ESYT2: variants seen among roughly 807,000 people sequenced by gnomAD.
ESYT2 encodes the protein extended synaptotagmin 2, also known as extended synaptotagmin-2.
Under a neutral mutation model 107.2 loss-of-function variants are expected in ESYT2, and 54 were observed. The ratio of observed to expected loss-of-function variants is 0.50; its 90% CI spans 0.40 to 0.63. The LOEUF (loss-of-function observed/expected upper bound fraction) is 0.63, where lower values mean the gene tolerates loss of function less well. ESYT2 is among the 30% of genes least tolerant of loss of function. ESYT2 has a pLI of 0.00. For missense variants in ESYT2, 1,020 were observed against 1,094.5 expected (o/e 0.93, Z 0.96); for synonymous variants, 491 against 434.1 (o/e 1.13, Z -1.63).
At chr7:158,743,870 C>T (rs997242108) in intron 16 of ESYT2, 192 bp from the exon 17 acceptor site, 4 of 522,918 alleles carry the variant, frequency 7.6e-6, no homozygotes, top group East Asian at 4.2e-5. Context: ...GCCAGGGGTT[C>T]GAGACCAGCC....
At chr7:158,769,961 G>A (rs1227450957) in intron 7 of ESYT2, among the ~76,000 whole-genome samples, 2 of 151,644 alleles carry the variant, frequency 1.3e-5, no homozygotes, top group African/African-American at 2.4e-5. Flanking sequence ...GTCTCATTCT[G>A]TTGCCCAGGC....
At chr7:158,751,607 C>T (rs996774179) in intron 14 of ESYT2, among the ~76,000 whole-genome samples, 1 of 149,530 alleles carries the variant, frequency 6.7e-6, no homozygotes, top group Admixed American at 6.6e-5. Flanking sequence ...AATAATATAA[C>T]AATTATAATA....
intron 13 of ESYT2, among the ~76,000 whole-genome samples, chr7:158,753,134 C>T (rs906692707): frequency 6.6e-6 from 1 of 152,180 alleles, no homozygotes; most frequent in Non-Finnish European, 1.5e-5. Context: ...TTCACAAATA[C>T]AAGAGTGGGG....
At chr7:158,761,638 C>T in intron 10 of ESYT2, 94 bp from the exon 11 acceptor site, 2 of 1,124,266 alleles carry the variant, frequency 1.8e-6, no homozygotes, top group Non-Finnish European at 2.6e-6. Flanking sequence ...CTTCCTGAAA[C>T]AACCTTAAGC....
chr7:158,788,498 C>G (rs970159767), intron 4 of ESYT2, 81 bp from the exon 5 acceptor site: 1 of 1,213,658 alleles, frequency 8.2e-7, no homozygotes. Context: ...GATGTATAAT[C>G]TGAATAAAAT....
Position 158,785,503 on chromosome 7 carries a change from T to C in ESYT2, c.747+2501A>G, listed in dbSNP as rs144284646. 3.9e-3 allele frequency among the ~76,000 whole-genome samples: 594 copies of C among 152,230 alleles called. 4 individuals are homozygous for C. The highest frequency in any genetic ancestry group is 0.014 in the African/African-American group (573 of 41,546). ...CTCCAGTGTCAGGACTAAACCTACATGTAGGAGAAATATTTAATTTCTTAA... is the reference window on the plus strand; with the variant it reads ...CTCCAGTGTCAGGACTAAACCTACACGTAGGAGAAATATTTAATTTCTTAA... On this transcript the variant is annotated intron_variant, in intron 6 of 22. Coordinates refer to ENST00000275418, the MANE Select transcript of ESYT2 (RefSeq NM_001367773.1).
At position 158,748,112 on chromosome 7, in the gene ESYT2, A is replaced by C; in HGVS notation, c.1644+82T>G. 3 of 1,291,196 alleles carry C rather than the reference A, an allele frequency of 2.3e-6. No homozygotes were observed. The South Asian group carries it at 3.7e-5, about 16-fold the overall frequency. The allele number at this position is 1,291,196 out of a possible 1,614,324, so 80.0% of individuals were successfully genotyped here. On this transcript the variant is annotated intron_variant, in intron 16 of 22. Coordinates refer to ENST00000275418, the MANE Select transcript of ESYT2 (RefSeq NM_001367773.1). ...TGGCGATGGATCCCCAGGTGTATAC[A>C]CGGGTCACAACTCAGCAAATTGTAT...
In ESYT2 at chr7:158,793,776, T is replaced by C. The variant is rs761004760; in HGVS notation, c.508-50A>G. On this transcript the variant is annotated intron_variant, in intron 3 of 22. Transcript: ENST00000275418. Reference sequence around the variant, plus strand: ...AAGATACAGAGGTTAAAAAAAAAAATCAAACCGTGTAACATACCATAGAGA... The same window carrying C: ...AAGATACAGAGGTTAAAAAAAAAAACCAAACCGTGTAACATACCATAGAGA... 3.7e-6 allele frequency: 5 copies of C among 1,336,080 alleles called. No homozygotes were observed. The African/African-American group carries it at 5.9e-5, about 16-fold the overall frequency. The allele number at this position is 1,336,080 out of a possible 1,614,324, so 82.8% of individuals were successfully genotyped here.
chr7:158,735,414 T>C (rs1196775499), intron 21 of ESYT2, 89 bp downstream of exon 21: 1 of 1,101,158 alleles, frequency 9.1e-7, no homozygotes, highest in Non-Finnish European at 1.3e-6. Context: ...CCCTTCCACT[T>C]ACACAGACAT....
rs760869732 is a variant in ESYT2 at position 158,764,752 on chromosome 7, A to G, written c.1026T>C (p.Ile342=). The change falls in exon 9 of 23, where the codon ATT becomes ATC. Residue 342 remains isoleucine (I), a synonymous_variant. Coordinates refer to ENST00000275418, the MANE Select transcript of ESYT2 (RefSeq NM_001367773.1). ...VKGKSDPYGI[I]RVGNQIFQSR... ...TTTGGAAGATTTGGTTGCCAACTCTAATGATTCCATAGGGGTCTGACTTTC... is the reference window on the plus strand; with the variant it reads ...TTTGGAAGATTTGGTTGCCAACTCTGATGATTCCATAGGGGTCTGACTTTC... The G allele has an allele frequency of 1.9e-6, 3 of 1,614,182 alleles. No individual in the cohort carries two copies. In the South Asian group the frequency reaches 3.3e-5, roughly 18 times the overall value.
intron 2 of ESYT2, 125 bp from the exon 3 acceptor site, chr7:158,798,201 G>A (rs1028918634): frequency 8.2e-6 from 8 of 979,720 alleles, no homozygotes; most frequent in East Asian, 2.6e-5. Context: ...GGAGGATCTT[G>A]TTGTTATGCA....
chr7:158,756,716 C>T (rs1186832161), intron 13 of ESYT2, among the ~76,000 whole-genome samples: 1 of 151,910 alleles, frequency 6.6e-6, no homozygotes, highest in Non-Finnish European at 1.5e-5. Flanking sequence ...GGAGACCAGC[C>T]TGGTCAGCAT....
intron 9 of ESYT2, 31 bp from the exon 10 acceptor site, chr7:158,763,196 A>C: frequency 6.5e-7 from 1 of 1,526,970 alleles, no homozygotes. Context: ...AGTTAAGTGC[A>C]TTTTTACTAA....
chr7:158,765,590 G>C (rs1316820540), intron 8 of ESYT2, among the ~76,000 whole-genome samples: 5 of 151,878 alleles, frequency 3.3e-5, no homozygotes, highest in Non-Finnish European at 7.4e-5. Flanking sequence ...AAAAAATTTA[G>C]CCAGGCATGG....
chr7:158,742,544 G>A (rs1230143228), intron 17 of ESYT2, among the ~76,000 whole-genome samples: 1 of 152,208 alleles, frequency 6.6e-6, no homozygotes, highest in African/African-American at 2.4e-5. Context: ...CGTCCCCAGA[G>A]GGAGGAAGAA....
chr7:158,748,869 G>GCCA (rs1837492906), intron 15 of ESYT2, among the ~76,000 whole-genome samples: 1 of 151,748 alleles, frequency 6.6e-6, no homozygotes, highest in Admixed American at 6.6e-5. Flanking sequence ...ACAGGCACGT[G>GCCA]CCACCATGCC....
chr7:158,814,926 C>T (rs932132588), intron 1 of ESYT2, among the ~76,000 whole-genome samples: 6 of 149,766 alleles, frequency 4.0e-5, no homozygotes, highest in African/African-American at 1.5e-4. Context: ...AGTTCCTCCC[C>T]TACTGCCATC....
intron 6 of ESYT2, among the ~76,000 whole-genome samples, chr7:158,782,161 G>C (rs1271502187): frequency 6.6e-6 from 1 of 151,940 alleles, no homozygotes; most frequent in Admixed American, 6.6e-5. Context: ...GTGTGAGTGT[G>C]AGAACAGTGA....
chr7:158,748,689 C>T (rs368378481), intron 15 of ESYT2, among the ~76,000 whole-genome samples: 4 of 151,780 alleles, frequency 2.6e-5, no homozygotes, highest in Admixed American at 6.6e-5. Context: ...CCTGTAACTT[C>T]GGGCAATTTC....
Sources: gnomAD v4.1 joint callset for allele counts (sites outside exome capture counted in the v4.1 genomes callset) on GRCh38, gnomAD v4.1.1 for gene constraint, MANE v1.5 for transcripts, NCBI Gene and HGNC (gene_info 2026-07-23, HGNC 2026-07-21) for gene names.